ZCCHC14: variants seen among roughly 807,000 people sequenced by gnomAD.
ZCCHC14 encodes zinc finger CCHC-type containing 14.
In ZCCHC14, 16 loss-of-function variants were observed where a neutral mutation model predicts 85.0. The observed-to-expected ratio is 0.19, with a 90% CI of 0.13 to 0.29. The LOEUF (loss-of-function observed/expected upper bound fraction) is 0.29, where lower values mean the gene tolerates loss of function less well. ZCCHC14 is among the 10% of genes least tolerant of loss of function. The pLI, the probability that ZCCHC14 is intolerant of heterozygous loss-of-function variation, is 1.00. For missense variants in ZCCHC14, 1,303 were observed against 1,443.5 expected, an observed-to-expected ratio of 0.90 and a Z score of 1.58; for synonymous variants, 775 against 630.7, an observed-to-expected ratio of 1.23 and a Z score of -3.43.
chr16:87,418,276 G>A (rs905942905), intron 7 of ZCCHC14, among the ~76,000 whole-genome samples: 4 of 152,180 alleles, frequency 2.6e-5, no homozygotes, highest in East Asian at 1.9e-4. Flanking sequence ...AGGTGTGACC[G>A]GCACTCCACT....
intron 1 of ZCCHC14, among the ~76,000 whole-genome samples, chr16:87,475,385 C>T (rs1447329324): frequency 6.6e-6 from 1 of 151,796 alleles, no homozygotes; most frequent in East Asian, 1.9e-4. Flanking sequence ...AACCCTGTCT[C>T]TACAAAAAAA....
At chr16:87,436,000 T>C (rs1352813170) in intron 2 of ZCCHC14, among the ~76,000 whole-genome samples, 7 of 152,210 alleles carry the variant, frequency 4.6e-5, no homozygotes, top group African/African-American at 1.4e-4. Flanking sequence ...CTCTAATCCA[T>C]GTATTTTACT....
intron 1 of ZCCHC14, among the ~76,000 whole-genome samples, chr16:87,484,050 C>CA (rs1361141658): frequency 2.6e-5 from 4 of 152,218 alleles, no homozygotes; most frequent in Admixed American, 2.6e-4. Flanking sequence ...GACCAGGAGG[C>CA]ACCTGTGTGT....
chr16:87,492,941 A>G lies in ZCCHC14; in HGVS notation c.-703T>C, dbSNP rs1258503013. Among the ~76,000 whole-genome samples the G allele has an allele frequency of 7.4e-5, 11 of 148,064 alleles. No individual in the cohort carries two copies. The highest frequency in any genetic ancestry group is 1.2e-4 in the Non-Finnish European group (8 of 67,168). On this transcript the variant is annotated 5_prime_UTR_variant, in exon 1 of 13. Coordinates refer to ENST00000671377, the MANE Select transcript of ZCCHC14 (RefSeq NM_015144.3). The surrounding 1 kb of genome is among the most constrained non-coding windows in gnomAD (Gnocchi z 6.7). ...GGCGGCGACGGCGACGGCGACGGCG[A>G]CGGCGACGGCGGAGGAGGCGCCGGC...
rs907348157 is a variant in ZCCHC14 at position 87,492,746 on chromosome 16, C to T, written c.-508G>A. ...CGCCTCCGCCCAGGCCGGCCGTTAC[C>T]CCGGGCCGCGGGCGCGGCGTCGCCG... On this transcript the variant is annotated 5_prime_UTR_variant, in exon 1 of 13. Coordinates refer to ENST00000671377, the MANE Select transcript of ZCCHC14 (RefSeq NM_015144.3). This position sits in a 1 kb window ranked among gnomAD's most constrained non-coding sequence, Gnocchi z 6.7. 2 of 146,586 alleles carry T rather than the reference C, an allele frequency of 1.4e-5. No homozygotes were observed. The highest frequency in any genetic ancestry group is 1.4e-4 in the Admixed American group (2 of 14,762). The allele number at this position is 146,586 out of a possible 1,614,324, so 9.1% of individuals were successfully genotyped here.
intron 2 of ZCCHC14, among the ~76,000 whole-genome samples, chr16:87,443,278 G>A (rs1910274200): frequency 6.6e-6 from 1 of 152,198 alleles, no homozygotes; most frequent in Admixed American, 6.5e-5. Flanking sequence ...CAGGCAGACT[G>A]GGGTCACTGA....
intron 12 of ZCCHC14, 80 bp from the exon 13 acceptor site, chr16:87,410,415 A>G (rs905020921): frequency 1.5e-6 from 1 of 651,984 alleles, no homozygotes; most frequent in Non-Finnish European, 2.8e-6. Context: ...AGTCATGTCC[A>G]GAGCCACTGG....
chr16:87,454,771 G>C (rs996771284), intron 2 of ZCCHC14, among the ~76,000 whole-genome samples: 2 of 152,162 alleles, frequency 1.3e-5, no homozygotes, highest in Non-Finnish European at 2.9e-5. Context: ...AAAAATCCTA[G>C]CCCTGTTTTA....
At chr16:87,452,924 T>G (rs1910775592) in intron 2 of ZCCHC14, among the ~76,000 whole-genome samples, 1 of 152,168 alleles carries the variant, frequency 6.6e-6, no homozygotes. Context: ...GTGGCCCAAG[T>G]GCACACATGT....
At chr16:87,428,760 T>C (rs923411197) in intron 3 of ZCCHC14, among the ~76,000 whole-genome samples, 1 of 152,234 alleles carries the variant, frequency 6.6e-6, no homozygotes, top group Admixed American at 6.5e-5. Context: ...TAGAATTTTA[T>C]ATAACTAGAC....
At chr16:87,477,983 T>C (rs891716650) in intron 1 of ZCCHC14, among the ~76,000 whole-genome samples, 2 of 150,986 alleles carry the variant, frequency 1.3e-5, no homozygotes, top group African/African-American at 4.9e-5. Context: ...CTGCCCATCA[T>C]TGCATGCACC....
intron 2 of ZCCHC14, among the ~76,000 whole-genome samples, chr16:87,442,793 C>T (rs1910248964): frequency 6.6e-6 from 1 of 152,160 alleles, no homozygotes; most frequent in Non-Finnish European, 1.5e-5. Context: ...AGGAGAAAAC[C>T]ATTCAAATGA....
intron 2 of ZCCHC14, among the ~76,000 whole-genome samples, chr16:87,449,603 T>G (rs750909488): frequency 6.6e-6 from 1 of 152,134 alleles, no homozygotes; most frequent in Non-Finnish European, 1.5e-5. Context: ...CCAAATGTCT[T>G]TCTTTAATTT....
At chr16:87,437,199 G>A (rs775694490) in intron 2 of ZCCHC14, among the ~76,000 whole-genome samples, 6 of 152,082 alleles carry the variant, frequency 3.9e-5, no homozygotes, top group South Asian at 2.1e-4. Context: ...AGCCGGGCGT[G>A]GTGGCTCATG....
rs528374181 is a variant in ZCCHC14 at position 87,467,446 on chromosome 16, C to G, written c.571-7315G>C. 1.9e-6 allele frequency: 3 copies of G among 1,605,260 alleles called. No homozygotes were observed. In the African/African-American group the frequency reaches 4.0e-5, roughly 21 times the overall value. On this transcript the variant is annotated intron_variant, in intron 1 of 12. Coordinates refer to ENST00000671377, the MANE Select transcript of ZCCHC14 (RefSeq NM_015144.3). Reference sequence around the variant, plus strand: ...AATATGATTGGTAATAAAATGTCTGCCATTTCTGTTCACGGTGTGAGTACC... The same window carrying G: ...AATATGATTGGTAATAAAATGTCTGGCATTTCTGTTCACGGTGTGAGTACC...
intron 4 of ZCCHC14, among the ~76,000 whole-genome samples, chr16:87,421,886 C>A (rs1385219630): frequency 6.6e-6 from 1 of 151,506 alleles, no homozygotes; most frequent in Non-Finnish European, 1.5e-5. Context: ...GCTCCACGGT[C>A]ATCTAAACAT....
At chr16:87,476,852 C>G (rs972422756) in intron 1 of ZCCHC14, among the ~76,000 whole-genome samples, 1 of 151,866 alleles carries the variant, frequency 6.6e-6, no homozygotes, top group Admixed American at 6.6e-5. Context: ...GGTGGCCGGG[C>G]GCGGTGGCTC....
intron 7 of ZCCHC14, among the ~76,000 whole-genome samples, chr16:87,418,193 C>A (rs949652845): frequency 1.3e-5 from 2 of 152,176 alleles, no homozygotes; most frequent in African/African-American, 4.8e-5. Context: ...ATAAATCATA[C>A]ATCAAAATAG....
intron 4 of ZCCHC14, among the ~76,000 whole-genome samples, chr16:87,422,363 T>A (rs1486643454): frequency 6.6e-6 from 1 of 152,024 alleles, no homozygotes; most frequent in African/African-American, 2.4e-5. Flanking sequence ...CTGAGGCTCG[T>A]GCCGCCAGAG....
Sources: gnomAD v4.1 joint callset for allele counts (sites outside exome capture counted in the v4.1 genomes callset) on GRCh38, gnomAD v4.1.1 for gene constraint, Gnocchi (gnomAD v3.1) non-coding constraint, MANE v1.5 for transcripts, NCBI Gene and HGNC (gene_info 2026-07-23, HGNC 2026-07-21) for gene names.